The following CACNA1A variants were observed in gnomAD, a reference collection of about 807,000 sequenced individuals.
CACNA1A encodes calcium voltage-gated channel subunit alpha1 A.
A neutral mutation model predicts 262.4 loss-of-function variants in CACNA1A; 57 were observed. The observed-to-expected ratio is 0.22, with a 90% confidence interval of 0.18 to 0.27. CACNA1A has a LOEUF of 0.27. CACNA1A is among the 10% of genes least tolerant of loss of function. The pLI is 1.00. For synonymous variants in CACNA1A, 1,431 were observed against 1,419.3 expected, an observed-to-expected ratio of 1.01 and a Z score of -0.18; for missense variants, 2,526 against 3,562.8, an observed-to-expected ratio of 0.71 and a Z score of 7.41.
intron 3 of CACNA1A, among the ~76,000 whole-genome samples, chr19:13,446,830 A>C (rs1199903766): frequency 6.6e-6 from 1 of 151,592 alleles, no homozygotes; most frequent in African/African-American, 2.4e-5. Context: ...GGCTCAGGGA[A>C]TCCTCCCACC....
At chr19:13,323,447 C>A (rs765678927) in intron 10 of CACNA1A, among the ~76,000 whole-genome samples, 1 of 151,996 alleles carries the variant, frequency 6.6e-6, no homozygotes, top group African/African-American at 2.4e-5. Flanking sequence ...ATGTTCAGAT[C>A]CTTTGCACAT....
intron 3 of CACNA1A, among the ~76,000 whole-genome samples, chr19:13,378,793 G>A (rs924267095): frequency 1.3e-4 from 20 of 151,308 alleles, no homozygotes; most frequent in African/African-American, 9.7e-5. Context: ...TCAGCCTCCC[G>A]AGTAGCTGGG....
chr19:13,211,778 C>G, intron 43 of CACNA1A: 2 of 336,486 alleles, frequency 5.9e-6, no homozygotes, highest in South Asian at 7.5e-5. Context: ...CTGTTGAACC[C>G]TGCTGCACCC....
Position 13,236,940 on chromosome 19 carries a change from A to G in CACNA1A, c.4951-1210T>C, listed in dbSNP as rs751209530. Among the ~76,000 whole-genome samples the G allele has an allele frequency of 1.3e-5, 2 of 152,156 alleles. No homozygotes were observed. The highest frequency in any genetic ancestry group is 2.9e-5 in the Non-Finnish European group (2 of 68,014). On this transcript the variant is annotated intron_variant, in intron 31 of 46. Coordinates refer to ENST00000360228, the MANE Select transcript of CACNA1A (RefSeq NM_001127222.2). This position sits in a 1 kb window ranked among gnomAD's most constrained non-coding sequence, Gnocchi z 4.6. ...TCGAAGTCACGAGTGGGCCAAATCT[A>G]GCTAATAAAACTGTTTTGTTGGGCC...
At chr19:13,455,035 C>T in intron 2 of CACNA1A, 72 bp downstream of exon 2, 2 of 873,622 alleles carry the variant, frequency 2.3e-6, no homozygotes, top group South Asian at 1.4e-5. Flanking sequence ...CCTCTGTGCC[C>T]TGCTCCACTC....
chr19:13,386,961 T>C (rs774061326), intron 3 of CACNA1A, among the ~76,000 whole-genome samples: 4 of 152,240 alleles, frequency 2.6e-5, no homozygotes, highest in Non-Finnish European at 5.9e-5. Flanking sequence ...TCCAGACTTC[T>C]TTTGTTTTTG....
At position 13,208,854 on chromosome 19, in the gene CACNA1A, A is replaced by T; in HGVS notation, c.6682T>A (p.Tyr2228Asn). The T allele has an allele frequency of 6.6e-7, 1 of 1,506,478 alleles. No homozygotes were observed. 93.3% of individuals were successfully genotyped at this position (1,506,478 alleles called of 1,614,324 possible). Residue 2228 changes from tyrosine to asparagine, a missense_variant, in exon 46 of 47, where the codon TAT (tyrosine) becomes AAT (asparagine). Tyr to Asn is a moderately radical substitution (Grantham distance 143). Transcript: ENST00000360228. ...CCGTGGTCCGGCCGTTCCTGGGCAT[A>T]GCGGTCCTTGTCGGGGGGCGGGGGA... ...HHPPPPDKDR[Y>N]AQERPDHGRA...
At chr19:13,501,667 C>T (rs1303677923) in intron 1 of CACNA1A, among the ~76,000 whole-genome samples, 2 of 152,164 alleles carry the variant, frequency 1.3e-5, no homozygotes, top group Admixed American at 1.3e-4. Flanking sequence ...AACTTCCATA[C>T]ACCTGAAAGT....
intron 28 of CACNA1A, among the ~76,000 whole-genome samples, chr19:13,255,949 TTC>T (rs1297089100): frequency 1.5e-5 from 2 of 136,686 alleles, no homozygotes; most frequent in Non-Finnish European, 3.2e-5. Flanking sequence ...CCTCCTTTCT[TTC>T]TCTCTCTCAT....
intron 24 of CACNA1A, among the ~76,000 whole-genome samples, chr19:13,264,111 T>G (rs966376466): frequency 6.6e-6 from 1 of 152,130 alleles, no homozygotes; most frequent in Non-Finnish European, 1.5e-5. Context: ...GGAACTGAGC[T>G]TAGCAATGCA....
In CACNA1A at chr19:13,308,583, G is replaced by A; in HGVS notation, c.1669-55C>T. 2.6e-6 allele frequency: 3 copies of A among 1,161,310 alleles called. No homozygotes were observed. The highest frequency in any genetic ancestry group is 3.7e-6 in the Non-Finnish European group (3 of 806,684). The allele number at this position is 1,161,310 out of a possible 1,614,324, so 71.9% of individuals were successfully genotyped here. ...GGGACAGTGTCTGGGCTCCAGAACT[G>A]GCAAGCATTTCCTAGGTACCAACCT... is the stretch of plus-strand genomic sequence containing the variant. On this transcript the variant is annotated intron_variant, in intron 12 of 46. Coordinates refer to ENST00000360228, the MANE Select transcript of CACNA1A (RefSeq NM_001127222.2). This position sits in a 1 kb window ranked among gnomAD's most constrained non-coding sequence, Gnocchi z 4.2.
chr19:13,467,893 C>A (rs1406066596), intron 1 of CACNA1A, among the ~76,000 whole-genome samples: 1 of 152,120 alleles, frequency 6.6e-6, no homozygotes, highest in African/African-American at 2.4e-5. Context: ...GCATGAGCCA[C>A]CATACCCGGC....
intron 19 of CACNA1A, among the ~76,000 whole-genome samples, chr19:13,293,498 T>G (rs1037373654): frequency 1.4e-5 from 2 of 138,330 alleles, no homozygotes; most frequent in African/African-American, 5.5e-5. Flanking sequence ...CCGGCTGGAG[T>G]GCAGTGGTGC....
intron 38 of CACNA1A, among the ~76,000 whole-genome samples, chr19:13,221,218 T>TTTTCTTTTCTTTTCTTTTC (rs1555734399): frequency 5.1e-4 from 13 of 25,476 alleles, no homozygotes; most frequent in Admixed American, 1.0e-3. Context: ...TTGTTTTTTC[T>TTTTCTTTTCTTTTCTTTTC]TTTCTTTCTT....
intron 6 of CACNA1A, among the ~76,000 whole-genome samples, chr19:13,349,907 C>G (rs1401488831): frequency 1.3e-5 from 2 of 152,148 alleles, no homozygotes; most frequent in Admixed American, 6.5e-5. Flanking sequence ...CAAGGCTACC[C>G]AGAGCCTTCT....
chr19:13,391,146 A>ATT (rs2059704380), intron 3 of CACNA1A, among the ~76,000 whole-genome samples: 1 of 152,140 alleles, frequency 6.6e-6, no homozygotes, highest in African/African-American at 2.4e-5. Flanking sequence ...CGGCCTCCCA[A>ATT]AGTGCTGGGA....
chr19:13,488,372 C>T (rs1182577486), intron 1 of CACNA1A, among the ~76,000 whole-genome samples: 1 of 144,226 alleles, frequency 6.9e-6, no homozygotes, highest in Non-Finnish European at 1.5e-5. Context: ...GGGGCATCAG[C>T]ATTTTCCTTT....
rs745383274 is a variant in CACNA1A at position 13,275,974 on chromosome 19, G to A, written c.3883-18C>T. 9.6e-6 allele frequency: 15 copies of A among 1,563,964 alleles called. No homozygotes were observed. In the African/African-American group the frequency reaches 2.0e-4, roughly 21 times the overall value. On this transcript the variant is annotated intron_variant, in intron 23 of 46. Coordinates refer to ENST00000360228, the MANE Select transcript of CACNA1A (RefSeq NM_001127222.2). The stretch of plus-strand genomic sequence containing the variant: ...TCAATCATCTGTGGGGGAGAAGAGA[G>A]GGTGCTCAGAACCCCCACCTGATCC...
chr19:13,260,256 T>C (rs905025134), intron 26 of CACNA1A: 1 of 151,440 alleles, frequency 6.6e-6, no homozygotes, highest in Non-Finnish European at 1.5e-5. Context: ...TACACATACA[T>C]ATATATACAC....
Sources: allele counts gnomAD v4.1 joint callset (sites outside exome capture counted in the v4.1 genomes callset), GRCh38; gene constraint gnomAD v4.1.1; non-coding constraint Gnocchi (gnomAD v3.1); transcripts MANE v1.5; gene names NCBI Gene and HGNC (gene_info 2026-07-23, HGNC 2026-07-21).